FHIT: variants seen among roughly 807,000 people sequenced by gnomAD.
The protein encoded by FHIT is fragile histidine triad diadenosine triphosphatase.
FHIT carries 19 observed loss-of-function variants against 17.9 expected under a neutral mutation model. That is an observed-to-expected ratio of 1.06 (90% CI 0.74 to 1.56). The LOEUF (loss-of-function observed/expected upper bound fraction) is 1.56. Among genes scored for constraint, FHIT ranks in the 40% most tolerant of loss-of-function variants. The pLI, the probability that FHIT is intolerant of heterozygous loss-of-function variation, is 0.00. For missense variants in FHIT, 248 were observed against 189.2 expected, an observed-to-expected ratio of 1.31 and a Z score of -1.82; for synonymous variants, 81 against 69.7, an observed-to-expected ratio of 1.16 and a Z score of -0.81.
intron 2 of FHIT, among the ~76,000 whole-genome samples, chr3:61,171,945 T>G (rs1301804411): frequency 2.6e-5 from 4 of 152,366 alleles, no homozygotes; most frequent in African/African-American, 9.6e-5. Context: ...ATCTCTTTTT[T>G]ATGAAACTAA....
intron 4 of FHIT, among the ~76,000 whole-genome samples, chr3:60,791,403 T>C (rs1700772419): frequency 6.6e-6 from 1 of 152,200 alleles, no homozygotes; most frequent in Admixed American, 6.5e-5. Flanking sequence ...AGCTACTTAA[T>C]AAACATTTAA....
chr3:60,037,343 T>G (rs1385834746), intron 5 of FHIT, among the ~76,000 whole-genome samples: 2 of 152,088 alleles, frequency 1.3e-5, no homozygotes, highest in Non-Finnish European at 1.5e-5. Flanking sequence ...TGATAAACAA[T>G]CTAGATGGCC....
intron 4 of FHIT, among the ~76,000 whole-genome samples, chr3:60,706,532 A>G (rs2041377740): frequency 6.6e-6 from 1 of 152,218 alleles, no homozygotes; most frequent in Non-Finnish European, 1.5e-5. Context: ...TGAACACTTA[A>G]TTTATTATCA....
chr3:60,588,068 T>C (rs782534120), intron 4 of FHIT, among the ~76,000 whole-genome samples: 4 of 152,020 alleles, frequency 2.6e-5, no homozygotes, highest in Non-Finnish European at 4.4e-5. Flanking sequence ...TTAACTCAAA[T>C]GTTCTTTCTT....
At chr3:60,508,944 A>T (rs1321607617) in intron 5 of FHIT, among the ~76,000 whole-genome samples, 2 of 152,168 alleles carry the variant, frequency 1.3e-5, no homozygotes, top group East Asian at 1.9e-4. Context: ...TGATAGTATA[A>T]ATGTACAGAC....
intron 4 of FHIT, among the ~76,000 whole-genome samples, chr3:60,597,519 A>T (rs782038574): frequency 6.6e-6 from 1 of 152,096 alleles, no homozygotes; most frequent in Non-Finnish European, 1.5e-5. Flanking sequence ...CAAAAGACTC[A>T]TGTAAGAAAA....
rs1166275848 is a variant in FHIT at position 60,974,527 on chromosome 3, T to G, written c.-111+67520A>C. On this transcript the variant is annotated intron_variant, in intron 3 of 9. Transcript: ENST00000492590. ...ACCTGCCTAAGACTGAAGCCAAAAC[T>G]ACTTAAAACTTCTCAGTTACATGAA... is the stretch of plus-strand genomic sequence containing the variant. Among the ~76,000 whole-genome samples, 42 of 152,194 alleles carry G rather than the reference T, an allele frequency of 2.8e-4. 2 individuals are homozygous for G. Among genetic ancestry groups the G allele is most frequent in the Admixed American group, 2.7e-3 (41 of 15,282 alleles).
chr3:59,849,192 GAA>G, intron 8 of FHIT, among the ~76,000 whole-genome samples: 1 of 152,118 alleles, frequency 6.6e-6, no homozygotes, highest in Non-Finnish European at 1.5e-5. Flanking sequence ...CCAACATGGT[GAA>G]AGCCCATGGC....
At chr3:61,152,094 A>G (rs923830457) in intron 2 of FHIT, among the ~76,000 whole-genome samples, 1 of 152,208 alleles carries the variant, frequency 6.6e-6, no homozygotes, top group African/African-American at 2.4e-5. Flanking sequence ...ATTTCTATAA[A>G]GTTCAAAAGA....
At chr3:60,783,445 T>C (rs1277609488) in intron 4 of FHIT, among the ~76,000 whole-genome samples, 4 of 152,148 alleles carry the variant, frequency 2.6e-5, no homozygotes, top group African/African-American at 7.2e-5. Flanking sequence ...CCAGAAGAAA[T>C]AGAAATTTGT....
intron 3 of FHIT, among the ~76,000 whole-genome samples, chr3:60,976,499 C>T (rs750427751): frequency 1.9e-4 from 29 of 152,076 alleles, no homozygotes; most frequent in Non-Finnish European, 2.6e-4. Flanking sequence ...AAACGAAAAA[C>T]CATGTCTCTA....
chr3:59,936,823 C>T (rs1338860279), intron 7 of FHIT, among the ~76,000 whole-genome samples: 1 of 152,146 alleles, frequency 6.6e-6, no homozygotes, highest in African/African-American at 2.4e-5. Flanking sequence ...GAGCGCAATA[C>T]TACTGTGGTT....
intron 7 of FHIT, among the ~76,000 whole-genome samples, chr3:59,985,524 A>G (rs1708857409): frequency 6.6e-6 from 1 of 152,188 alleles, no homozygotes; most frequent in African/African-American, 2.4e-5. Context: ...ACATCTATGT[A>G]CATAATTTAG....
At position 61,193,934 on chromosome 3, in the gene FHIT, A is replaced by G. The variant is rs537844934; in HGVS notation, c.-164+6683T>C. 4.6e-5 allele frequency among the ~76,000 whole-genome samples: 7 copies of G among 152,278 alleles called. No homozygotes were observed. The South Asian group carries it at 8.3e-4, about 18-fold the overall frequency. ...AGCCTTCCGAAATGAAGACCCAAAG[A>G]CTAAAGGAAAATAGTTTTTATGCTT... is the stretch of plus-strand genomic sequence containing the variant. On this transcript the variant is annotated intron_variant, in intron 2 of 9. Transcript: ENST00000492590.
intron 5 of FHIT, among the ~76,000 whole-genome samples, chr3:60,150,536 G>C (rs765951451): frequency 3.3e-5 from 5 of 152,052 alleles, no homozygotes; most frequent in Admixed American, 3.3e-4. Flanking sequence ...TTCCAGGCTG[G>C]ACTTGCATTC....
At chr3:60,983,406 C>T (rs892279141) in intron 3 of FHIT, among the ~76,000 whole-genome samples, 2 of 152,148 alleles carry the variant, frequency 1.3e-5, no homozygotes, top group South Asian at 4.1e-4. Context: ...TCTTCTGAGG[C>T]AGGCTGTGTG....
intron 3 of FHIT, among the ~76,000 whole-genome samples, chr3:61,032,173 G>A (rs1198786804): frequency 6.6e-6 from 1 of 152,100 alleles, no homozygotes. Flanking sequence ...AACTCCTACA[G>A]GTAAATAATA....
intron 2 of FHIT, among the ~76,000 whole-genome samples, chr3:61,170,023 G>C (rs1272380187): frequency 6.6e-6 from 1 of 152,140 alleles, no homozygotes; most frequent in Non-Finnish European, 1.5e-5. Flanking sequence ...CACTTAAAAA[G>C]ATTATTGCTA....
chr3:59,988,839 G>C (rs1709101308), intron 7 of FHIT, among the ~76,000 whole-genome samples: 3 of 152,106 alleles, frequency 2.0e-5, no homozygotes, highest in Non-Finnish European at 4.4e-5. Flanking sequence ...AATGCAGTTA[G>C]GGCCTCGAGC....
Sources: gnomAD v4.1 joint callset for allele counts (sites outside exome capture counted in the v4.1 genomes callset) on GRCh38, gnomAD v4.1.1 for gene constraint, MANE v1.5 for transcripts, NCBI Gene and HGNC (gene_info 2026-07-23, HGNC 2026-07-21) for gene names.